Variants in PARD3B observed in about 807,000 individuals in gnomAD.
PARD3B encodes par-3 family cell polarity regulator beta.
Under a neutral mutation model 130.2 loss-of-function variants are expected in PARD3B, and 103 were observed. The ratio of observed to expected loss-of-function variants is 0.79; its 90% CI spans 0.67 to 0.93. The LOEUF (loss-of-function observed/expected upper bound fraction) is 0.93. Ranked by LOEUF, PARD3B falls within the 40% of genes least tolerant of loss-of-function variation. PARD3B has a pLI of 0.00. For synonymous variants in PARD3B, 583 were observed against 553.2 expected, an observed-to-expected ratio of 1.05 and a Z score of -0.76; for missense variants, 1,609 against 1,499.2, an observed-to-expected ratio of 1.07 and a Z score of -1.21.
At chr2:205,324,468 G>A (rs2105746065) in intron 18 of PARD3B, among the ~76,000 whole-genome samples, 1 of 152,214 alleles carries the variant, frequency 6.6e-6, no homozygotes, top group South Asian at 2.1e-4. Context: ...GTTCAAGAAA[G>A]TAACTGAAAT....
chr2:204,952,567 A>G (rs934550935), intron 2 of PARD3B, among the ~76,000 whole-genome samples: 7 of 152,220 alleles, frequency 4.6e-5, no homozygotes, highest in African/African-American at 1.7e-4. Flanking sequence ...TTGCAAAAAT[A>G]AAAGACAACT....
intron 22 of PARD3B, among the ~76,000 whole-genome samples, chr2:205,578,428 T>C (rs2053843029): frequency 6.6e-6 from 1 of 152,132 alleles, no homozygotes; most frequent in African/African-American, 2.4e-5. Flanking sequence ...TTTAAGAAGT[T>C]ACGACAGACA....
At chr2:205,065,034 CT>C (rs1264607336) in intron 4 of PARD3B, among the ~76,000 whole-genome samples, 4 of 152,084 alleles carry the variant, frequency 2.6e-5, no homozygotes, top group Non-Finnish European at 4.4e-5. Flanking sequence ...GACAAATATC[CT>C]TTAGCTATTG....
intron 15 of PARD3B, among the ~76,000 whole-genome samples, chr2:205,199,105 A>C (rs1395619426): frequency 6.6e-6 from 1 of 152,176 alleles, no homozygotes; most frequent in East Asian, 1.9e-4. Context: ...GTCAAAATAA[A>C]GGAATTATAG....
chr2:204,638,658 C>A (rs1380021971), intron 1 of PARD3B, among the ~76,000 whole-genome samples: 1 of 152,012 alleles, frequency 6.6e-6, no homozygotes, highest in African/African-American at 2.4e-5. Flanking sequence ...ATAGACTATG[C>A]CATCTGTAAG....
Position 205,146,511 on chromosome 2 carries a change from C to T in PARD3B, c.1435-12211C>T, listed in dbSNP as rs1420983951. ...AAAAATACAAAAACATTTATCTGGG[C>T]GTGGTGGCGGGCGCCTGTAGTCCCA... On this transcript the variant is annotated intron_variant, in intron 10 of 22. Transcript: ENST00000406610. This position sits in a 1 kb window ranked among gnomAD's most constrained non-coding sequence, Gnocchi z 4.3. Among the ~76,000 whole-genome samples the T allele has an allele frequency of 6.6e-6, 1 of 151,616 alleles. No individual in the cohort carries two copies. Among genetic ancestry groups the T allele is most frequent in the Non-Finnish European group, 1.5e-5 (1 of 67,948 alleles).
intron 4 of PARD3B, among the ~76,000 whole-genome samples, chr2:205,092,253 G>A (rs1702154092): frequency 6.6e-6 from 1 of 152,122 alleles, no homozygotes; most frequent in African/African-American, 2.4e-5. Context: ...ACAATGAAAA[G>A]GGAATAGTAA....
chr2:205,468,193 A>C (rs1052557622), intron 20 of PARD3B, among the ~76,000 whole-genome samples: 2 of 152,208 alleles, frequency 1.3e-5, no homozygotes, highest in Non-Finnish European at 2.9e-5. Flanking sequence ...AATATGTGTA[A>C]TCCCTCCACA....
At chr2:205,474,940 A>G (rs746487579) in intron 20 of PARD3B, among the ~76,000 whole-genome samples, 2 of 152,174 alleles carry the variant, frequency 1.3e-5, no homozygotes, top group Non-Finnish European at 2.9e-5. Flanking sequence ...AATTACCACT[A>G]GAAGTTTTCA....
chr2:204,559,975 G>A (rs2125053824), intron 1 of PARD3B, among the ~76,000 whole-genome samples: 1 of 152,070 alleles, frequency 6.6e-6, no homozygotes, highest in East Asian at 1.9e-4. Context: ...ACTCATAGGT[G>A]GAAACTGAAC....
At chr2:205,003,251 G>A (rs1256433056) in intron 3 of PARD3B, among the ~76,000 whole-genome samples, 1 of 152,162 alleles carries the variant, frequency 6.6e-6, no homozygotes, top group Non-Finnish European at 1.5e-5. Context: ...GATAATCCAG[G>A]ACAGTCTTCC....
At chr2:205,180,569 A>G (rs1405815705) in intron 13 of PARD3B, among the ~76,000 whole-genome samples, 1 of 151,726 alleles carries the variant, frequency 6.6e-6, no homozygotes, top group East Asian at 1.9e-4. Flanking sequence ...AGGAGCTGTT[A>G]CAGCCAAAAC....
chr2:205,516,821 G>C (rs114718171), intron 21 of PARD3B, among the ~76,000 whole-genome samples: 3,881 of 152,210 alleles, frequency 0.025, 73 homozygotes, highest in Non-Finnish European at 0.041. Flanking sequence ...AGTGGTGAGA[G>C]AGAGCATTCT....
chr2:205,619,080 C>G lies in PARD3B; in HGVS notation c.*3267C>G, dbSNP rs2055521946. 6.6e-6 allele frequency: 1 copy of G among 152,136 alleles called. No homozygotes were observed. Among genetic ancestry groups the G allele is most frequent in the South Asian group, 2.1e-4 (1 of 4,824 alleles). The allele number at this position is 152,136 out of a possible 1,614,324, so 9.4% of individuals were successfully genotyped here. A position where few individuals can be genotyped will look rare whatever the true frequency, so the allele number is the denominator to read the frequency against. On this transcript the variant is annotated 3_prime_UTR_variant, in exon 23 of 23. Transcript: ENST00000406610. ...GGATCCTGATGGGGAAGAACAGAGG[C>G]TTCACTGTAGCTATAGTTTTCCACC...
intron 21 of PARD3B, among the ~76,000 whole-genome samples, chr2:205,523,942 TGGTTTGA>T (rs2051215180): frequency 6.6e-6 from 1 of 151,764 alleles, no homozygotes; most frequent in South Asian, 2.1e-4. Flanking sequence ...GGATGTCTGG[TGGTTTGA>T]AGTTTGAAGT....
chr2:205,212,485 T>C (rs1488385871), intron 15 of PARD3B, among the ~76,000 whole-genome samples: 2 of 152,092 alleles, frequency 1.3e-5, no homozygotes, highest in African/African-American at 4.8e-5. Context: ...AAAGGTGATG[T>C]GCAACAGCCA....
intron 15 of PARD3B, among the ~76,000 whole-genome samples, chr2:205,200,389 C>T (rs2036923829): frequency 6.6e-6 from 1 of 152,164 alleles, no homozygotes; most frequent in South Asian, 2.1e-4. Flanking sequence ...AGACCTCTTT[C>T]AGTCTTAGTT....
intron 21 of PARD3B, among the ~76,000 whole-genome samples, chr2:205,511,168 A>C (rs1375444418): frequency 6.6e-6 from 1 of 152,196 alleles, no homozygotes; most frequent in Non-Finnish European, 1.5e-5. Flanking sequence ...TTTGAACCCA[A>C]TAATATTGAA....
intron 2 of PARD3B, among the ~76,000 whole-genome samples, chr2:204,818,108 A>G (rs1365896844): frequency 1.3e-5 from 2 of 152,324 alleles, no homozygotes; most frequent in East Asian, 1.9e-4. Context: ...TAGTTCCACC[A>G]GACAGACAGA....
Sources: allele counts gnomAD v4.1 joint callset (sites outside exome capture counted in the v4.1 genomes callset), GRCh38; gene constraint gnomAD v4.1.1; non-coding constraint Gnocchi (gnomAD v3.1); transcripts MANE v1.5; gene names NCBI Gene and HGNC (gene_info 2026-07-23, HGNC 2026-07-21).